ETS1: variants seen among roughly 807,000 people sequenced by gnomAD.
ETS1 encodes the protein ETS proto-oncogene 1, transcription factor, also known as protein C-ets-1.
In ETS1, 15 loss-of-function variants were observed where a neutral mutation model predicts 58.6. The observed-to-expected ratio is 0.26, with a 90% CI of 0.17 to 0.39. ETS1 has a LOEUF of 0.39. ETS1 is among the 10% of genes least tolerant of loss of function. The probability of loss-of-function intolerance (pLI) is 1.00; values close to 1 mark genes in which losing one functional copy is unlikely to be tolerated. For missense variants in ETS1, 417 were observed against 610.5 expected (o/e 0.68, Z 3.34); for synonymous variants, 214 against 218.2 (o/e 0.98, Z 0.17).
intron 8 of ETS1, among the ~76,000 whole-genome samples, chr11:128,470,597 G>T (rs1304020474): frequency 1.3e-5 from 2 of 151,842 alleles, no homozygotes; most frequent in Non-Finnish European, 2.9e-5. Flanking sequence ...AGGAGCAACT[G>T]AATATACAAT....
chr11:128,476,579 AT>A, intron 8 of ETS1, among the ~76,000 whole-genome samples: 1 of 152,358 alleles, frequency 6.6e-6, no homozygotes, highest in Middle Eastern at 3.4e-3. Context: ...AGAGACTACT[AT>A]GTGACAACCC....
rs185111569 is a variant in ETS1, at chr11:128,578,642, G to T, written c.-14-5498C>A. On this transcript the variant is annotated intron_variant, in intron 1 of 9. Coordinates refer to ENST00000392668, the MANE Select transcript of ETS1 (RefSeq NM_001143820.2). ...TAATAATTTGTTCAATATTCTTCTG[G>T]GTATTTTTTAATCTATCTAAACGAA... 6.7e-4 allele frequency among the ~76,000 whole-genome samples: 102 copies of T among 151,920 alleles called. 1 individual carries two copies. In the Middle Eastern group the frequency reaches 0.014, roughly 20 times the overall value.
intron 3 of ETS1, among the ~76,000 whole-genome samples, chr11:128,516,264 G>A (rs1453149873): frequency 6.6e-6 from 1 of 152,192 alleles, no homozygotes; most frequent in Non-Finnish European, 1.5e-5. Flanking sequence ...AGTAGCTAGA[G>A]ACACATGACA....
chr11:128,523,564 T>G (rs112112735), intron 3 of ETS1, among the ~76,000 whole-genome samples: 1 of 152,328 alleles, frequency 6.6e-6, no homozygotes, highest in Non-Finnish European at 1.5e-5. Flanking sequence ...CTGCCTCTGG[T>G]AAGTTTTGAC....
intron 3 of ETS1, among the ~76,000 whole-genome samples, chr11:128,495,250 A>C (rs902329723): frequency 1.3e-5 from 2 of 152,148 alleles, no homozygotes; most frequent in Admixed American, 1.3e-4. Flanking sequence ...CTTTCTCTCT[A>C]TTCCACTGCA....
At chr11:128,526,829 CAT>C (rs1158630981) in intron 3 of ETS1, 3 of 430,544 alleles carry the variant, frequency 7.0e-6, no homozygotes, top group Middle Eastern at 5.2e-4. Flanking sequence ...GGATTTGTCA[CAT>C]GTTAGAGCTC....
At chr11:128,559,316 G>C (rs922144950) in intron 2 of ETS1, among the ~76,000 whole-genome samples, 1 of 152,228 alleles carries the variant, frequency 6.6e-6, no homozygotes, top group African/African-American at 2.4e-5. Context: ...TCGGTAAGTA[G>C]GTAGGGCACA....
In ETS1 at chr11:128,585,032, A is replaced by AAAAGAAAGAAAG. The variant is rs755191654; in HGVS notation, c.-15+2444_-15+2455dup. ...GAAAGGAAAGAAAGAAGAAAGAAAGAAAAGAAAGAAAGAAAGAAAGAAAGA... is the reference window on the plus strand; with the variant it reads ...GAAAGGAAAGAAAGAAGAAAGAAAGAAAAGAAAGAAAGAAAGAAAGAAAGAAAGAAAGAAAGA... On this transcript the variant is annotated intron_variant, in intron 1 of 9. Transcript: ENST00000392668. Among the ~76,000 whole-genome samples, 5 of 11,446 alleles carry AAAAGAAAGAAAG rather than the reference A, an allele frequency of 4.4e-4. 1 individual carries two copies. The highest frequency in any genetic ancestry group is 6.0e-3 in the East Asian group (2 of 336). The allele number at this position is 11,446 out of a possible 152,430, so 7.5% of individuals were successfully genotyped here.
rs1565402356 is a variant in ETS1, at chr11:128,539,891, T to C, written c.214+16400A>G. 2.0e-5 allele frequency among the ~76,000 whole-genome samples: 3 copies of C among 152,318 alleles called. No homozygotes were observed. In the South Asian group the frequency reaches 6.2e-4, roughly 32 times the overall value. On this transcript the variant is annotated intron_variant, in intron 3 of 9. Coordinates refer to ENST00000392668, the MANE Select transcript of ETS1 (RefSeq NM_001143820.2). ...GTCACATATTATATAACTCTACTTA[T>C]GAGAATTCCAGAATAGGCAAATTTA...
intron 3 of ETS1, among the ~76,000 whole-genome samples, chr11:128,492,690 G>C (rs1436855031): frequency 6.6e-6 from 1 of 152,144 alleles, no homozygotes; most frequent in Non-Finnish European, 1.5e-5. Context: ...CATCAAATGA[G>C]TCACTAAGAA....
At chr11:128,469,044 G>A (rs554755094) in intron 8 of ETS1, among the ~76,000 whole-genome samples, 8 of 152,318 alleles carry the variant, frequency 5.3e-5, no homozygotes, top group South Asian at 2.1e-4. Flanking sequence ...TAGAAAGTCC[G>A]CTCAAATGGC....
intron 8 of ETS1, among the ~76,000 whole-genome samples, chr11:128,476,702 A>G (rs1176045326): frequency 1.3e-5 from 2 of 152,258 alleles, no homozygotes; most frequent in East Asian, 3.8e-4. Context: ...GTATATAGAA[A>G]GCATTGGGCT....
chr11:128,558,821 G>A (rs1409649757), intron 2 of ETS1, among the ~76,000 whole-genome samples: 2 of 152,160 alleles, frequency 1.3e-5, no homozygotes, highest in Non-Finnish European at 2.9e-5. Context: ...CAATAAGCAG[G>A]TCTTTAACAA....
At chr11:128,484,533 T>C (rs984944060) in intron 7 of ETS1, among the ~76,000 whole-genome samples, 19 of 152,192 alleles carry the variant, frequency 1.2e-4, no homozygotes, top group African/African-American at 4.6e-4. Flanking sequence ...ATGACCAAAT[T>C]CAACTAGAGT....
chr11:128,483,022 C>T (rs931415673), intron 7 of ETS1, among the ~76,000 whole-genome samples: 1 of 152,220 alleles, frequency 6.6e-6, no homozygotes, highest in African/African-American at 2.4e-5. Flanking sequence ...AACAGTAATG[C>T]TTTCGGTCTA....
intron 3 of ETS1, among the ~76,000 whole-genome samples, chr11:128,506,591 G>A (rs1863240999): frequency 6.6e-6 from 1 of 152,212 alleles, no homozygotes; most frequent in Non-Finnish European, 1.5e-5. Flanking sequence ...GGGCGTGAGG[G>A]ACAGAAGGCG....
chr11:128,567,028 A>G (rs1279573616), intron 2 of ETS1, among the ~76,000 whole-genome samples: 2 of 152,238 alleles, frequency 1.3e-5, no homozygotes, highest in African/African-American at 4.8e-5. Context: ...CAGTCGATCA[A>G]TCAATTACGG....
intron 3 of ETS1, chr11:128,528,919 T>G (rs574637077): frequency 6.6e-6 from 1 of 152,240 alleles, no homozygotes. Context: ...TGAGACTTCA[T>G]GTAAAAAATG....
intron 3 of ETS1, among the ~76,000 whole-genome samples, chr11:128,510,585 A>G (rs1863365791): frequency 6.6e-6 from 1 of 152,218 alleles, no homozygotes; most frequent in African/African-American, 2.4e-5. Flanking sequence ...GAGGAGACAC[A>G]CTTCGTGACC....
Sources: gnomAD v4.1 joint callset for allele counts (sites outside exome capture counted in the v4.1 genomes callset) on GRCh38, gnomAD v4.1.1 for gene constraint, MANE v1.5 for transcripts, NCBI Gene and HGNC (gene_info 2026-07-23, HGNC 2026-07-21) for gene names.